Variants in TMEM68 observed in about 807,000 individuals in gnomAD.
The protein encoded by TMEM68 is transmembrane protein 68, also known as DGAT1/2-independent enzyme synthesizing storage lipids.
In TMEM68, 25 loss-of-function variants were observed where a neutral mutation model predicts 36.9. The ratio of observed to expected loss-of-function variants is 0.68; its 90% confidence interval spans 0.49 to 0.95. The LOEUF (loss-of-function observed/expected upper bound fraction) is 0.95. TMEM68 is among the 40% of genes least tolerant of loss of function. TMEM68 has a pLI of 0.00. For synonymous variants in TMEM68, 131 were observed against 124.4 expected (o/e 1.05, Z -0.35); for missense variants, 333 against 392.0 (o/e 0.85, Z 1.27).
intron 3 of TMEM68, among the ~76,000 whole-genome samples, chr8:55,757,495 C>T (rs1810642464): frequency 6.6e-6 from 1 of 152,182 alleles, no homozygotes; most frequent in Non-Finnish European, 1.5e-5. Flanking sequence ...AAGAGAGCCC[C>T]TGCTAATGGT....
At chr8:55,764,095 G>A (rs540670300) in intron 1 of TMEM68, 115 bp from the exon 2 acceptor site, 2 of 152,272 alleles carry the variant, frequency 1.3e-5, no homozygotes, top group East Asian at 3.9e-4. Flanking sequence ...ATTCATAAAT[G>A]TTTAAGAAAT....
chr8:55,752,381 G>A (rs1453793919), intron 4 of TMEM68, among the ~76,000 whole-genome samples: 1 of 151,990 alleles, frequency 6.6e-6, no homozygotes, highest in African/African-American at 2.4e-5. Flanking sequence ...GAGGTCAGGA[G>A]TTTGAGACCA....
intron 5 of TMEM68, among the ~76,000 whole-genome samples, chr8:55,749,820 T>C (rs1563429318): frequency 6.6e-6 from 1 of 152,228 alleles, no homozygotes; most frequent in African/African-American, 2.4e-5. Context: ...TTTAAACTTA[T>C]AAAAAGGTAT....
At chr8:55,764,814 T>G (rs2130020771) in intron 1 of TMEM68, among the ~76,000 whole-genome samples, 1 of 152,340 alleles carries the variant, frequency 6.6e-6, no homozygotes, top group South Asian at 2.1e-4. Flanking sequence ...GGCTCACTCT[T>G]GTAATCCCAG....
chr8:55,749,353 T>G (rs948967542), intron 5 of TMEM68, among the ~76,000 whole-genome samples: 2 of 152,226 alleles, frequency 1.3e-5, no homozygotes, highest in Non-Finnish European at 2.9e-5. Context: ...ATGTTACAAT[T>G]TAAATGTGGT....
intron 3 of TMEM68, among the ~76,000 whole-genome samples, chr8:55,757,492 C>T (rs1810642268): frequency 6.6e-6 from 1 of 152,236 alleles, no homozygotes; most frequent in South Asian, 2.1e-4. Flanking sequence ...GTAAAGAGAG[C>T]CCCTGCTAAT....
At chr8:55,751,314 G>T in intron 4 of TMEM68, 157 bp from the exon 5 acceptor site, 1 of 648,388 alleles carries the variant, frequency 1.5e-6, no homozygotes. Flanking sequence ...GTTAACTTAA[G>T]CTTGATATTA....
At chr8:55,763,164 A>T in intron 2 of TMEM68, 136 bp from the exon 3 acceptor site, 1 of 464,354 alleles carries the variant, frequency 2.2e-6, no homozygotes, top group Non-Finnish European at 3.7e-6. Context: ...TTTGTTGCAG[A>T]TTTAAATGTG....
intron 5 of TMEM68, chr8:55,745,951 T>C (rs1319915178): frequency 6.6e-6 from 1 of 152,156 alleles, no homozygotes; most frequent in Non-Finnish European, 1.5e-5. Context: ...CTATTAAATC[T>C]AAAATACTCA....
chr8:55,759,670 C>T (rs1404980711), intron 3 of TMEM68, among the ~76,000 whole-genome samples: 1 of 152,030 alleles, frequency 6.6e-6, no homozygotes, highest in Non-Finnish European at 1.5e-5. Context: ...ACCATTTACA[C>T]TGTTATATAT....
At chr8:55,771,699 A>G (rs938679861) in intron 1 of TMEM68, among the ~76,000 whole-genome samples, 5 of 152,242 alleles carry the variant, frequency 3.3e-5, no homozygotes, top group African/African-American at 1.2e-4. Flanking sequence ...CTTTTAGTAT[A>G]TAAGTCACAT....
intron 1 of TMEM68, among the ~76,000 whole-genome samples, chr8:55,766,411 C>G (rs1810963736): frequency 1.5e-5 from 2 of 137,536 alleles, no homozygotes; most frequent in South Asian, 4.7e-4. Flanking sequence ...GAGTCTGGCT[C>G]TGTTGCCCAG....
At chr8:55,746,929 TAAAC>T (rs1260958099) in intron 5 of TMEM68, 5 of 152,184 alleles carry the variant, frequency 3.3e-5, no homozygotes, top group African/African-American at 9.7e-5. Flanking sequence ...ATGGAGGAAT[TAAAC>T]AAACAGTGAG....
At chr8:55,762,297 T>G (rs375094002) in intron 3 of TMEM68, 1 of 308,626 alleles carries the variant, frequency 3.2e-6, no homozygotes, top group African/African-American at 2.1e-5. Context: ...TGAACAGAAG[T>G]AAATGCTAAA....
intron 4 of TMEM68, among the ~76,000 whole-genome samples, chr8:55,752,283 C>T: frequency 6.6e-6 from 1 of 151,976 alleles, no homozygotes; most frequent in East Asian, 1.9e-4. Flanking sequence ...TTATAAATAG[C>T]ATTAAGATTA....
intron 1 of TMEM68, among the ~76,000 whole-genome samples, chr8:55,767,864 G>A (rs1019833845): frequency 2.6e-5 from 4 of 152,062 alleles, no homozygotes; most frequent in Non-Finnish European, 5.9e-5. Flanking sequence ...TTGGACCTGG[G>A]AGGCGGAGGT....
intron 1 of TMEM68, 23 bp from the exon 2 acceptor site, chr8:55,764,003 G>T (rs571695943): frequency 6.6e-6 from 1 of 151,890 alleles, no homozygotes; most frequent in Non-Finnish European, 1.5e-5. Flanking sequence ...GTAAACAAAT[G>T]TAAGAAATAA....
At chr8:55,743,759 A>C in intron 6 of TMEM68, 139 bp from the exon 7 acceptor site, 1 of 700,526 alleles carries the variant, frequency 1.4e-6, no homozygotes, top group South Asian at 2.6e-5. Context: ...AATTTTTTTA[A>C]AAAGAAGAGC....
intron 7 of TMEM68, 105 bp downstream of exon 7, chr8:55,743,376 G>T: frequency 7.4e-7 from 1 of 1,357,892 alleles, no homozygotes; most frequent in South Asian, 1.6e-5. Context: ...GAGAACCACT[G>T]ACCTAGACAT....
Sources: gnomAD v4.1 joint callset for allele counts (sites outside exome capture counted in the v4.1 genomes callset) on GRCh38, gnomAD v4.1.1 for gene constraint, MANE v1.5 for transcripts, NCBI Gene and HGNC (gene_info 2026-07-23, HGNC 2026-07-21) for gene names.